ADGRL3: variants seen among roughly 807,000 people sequenced by gnomAD.
ADGRL3 encodes adhesion G protein-coupled receptor L3.
ADGRL3 carries 62 observed loss-of-function variants against 153.5 expected under a neutral mutation model. The ratio of observed to expected loss-of-function variants is 0.40; its 90% CI spans 0.33 to 0.50. ADGRL3 has a LOEUF of 0.50. Among genes scored for constraint, ADGRL3 ranks in the 20% least tolerant of loss-of-function variants. ADGRL3 has a pLI of 0.47. For synonymous variants in ADGRL3, 710 were observed against 672.5 expected (o/e 1.06, Z -0.86); for missense variants, 1,641 against 1,859.4 (o/e 0.88, Z 2.16).
chr4:61,811,831 A>G (rs2097627389), intron 8 of ADGRL3, among the ~76,000 whole-genome samples: 1 of 152,156 alleles, frequency 6.6e-6, no homozygotes, highest in African/African-American at 2.4e-5. Context: ...GTTGTATGAA[A>G]GGAGATTAGG....
At chr4:61,437,531 C>A (rs1468770961) in intron 2 of ADGRL3, among the ~76,000 whole-genome samples, 1 of 152,112 alleles carries the variant, frequency 6.6e-6, no homozygotes, top group Non-Finnish European at 1.5e-5. Context: ...TTCTTGCTGC[C>A]ACTGCTATTT....
chr4:61,328,973 C>T (rs2095518436), intron 1 of ADGRL3, among the ~76,000 whole-genome samples: 1 of 152,108 alleles, frequency 6.6e-6, no homozygotes, highest in Non-Finnish European at 1.5e-5. Context: ...ATTACTATCT[C>T]TGTTAGGACT....
chr4:61,716,556 A>G (rs1410991946), intron 6 of ADGRL3, among the ~76,000 whole-genome samples: 3 of 152,168 alleles, frequency 2.0e-5, no homozygotes, highest in Non-Finnish European at 4.4e-5. Context: ...GTTTTAATCT[A>G]TCGATGTCAT....
chr4:62,068,540 C>T (rs531240306), intron 26 of ADGRL3, among the ~76,000 whole-genome samples: 10 of 152,228 alleles, frequency 6.6e-5, no homozygotes, highest in African/African-American at 2.4e-4. Flanking sequence ...CTTTATTTTA[C>T]TATGGCTGTT....
chr4:61,657,372 A>G (rs1177428534), intron 5 of ADGRL3, among the ~76,000 whole-genome samples: 4 of 152,140 alleles, frequency 2.6e-5, no homozygotes, highest in South Asian at 2.1e-4. Context: ...ATAGATACAT[A>G]GATATACATA....
intron 4 of ADGRL3, among the ~76,000 whole-genome samples, chr4:61,558,367 G>A (rs9968259): frequency 0.033 from 5,039 of 151,286 alleles, 257 homozygotes; most frequent in African/African-American, 0.11. Flanking sequence ...GCTCATTTTA[G>A]TGGCCAAATA....
At chr4:61,802,008 A>G (rs1271915444) in intron 8 of ADGRL3, among the ~76,000 whole-genome samples, 1 of 147,718 alleles carries the variant, frequency 6.8e-6, no homozygotes, top group Non-Finnish European at 1.5e-5. Context: ...TTTATCAACT[A>G]ATAAGCACTT....
intron 11 of ADGRL3, among the ~76,000 whole-genome samples, chr4:61,900,360 G>A (rs2098657651): frequency 6.6e-6 from 1 of 152,040 alleles, no homozygotes. Flanking sequence ...AATCTTGATG[G>A]TTTCAACTCA....
intron 11 of ADGRL3, among the ~76,000 whole-genome samples, chr4:61,900,783 A>G (rs182302088): frequency 1.3e-3 from 201 of 152,332 alleles, no homozygotes; most frequent in Non-Finnish European, 2.2e-3. Flanking sequence ...ATCTATATAC[A>G]TATCTACATA....
intron 2 of ADGRL3, among the ~76,000 whole-genome samples, chr4:61,423,014 G>A (rs1330543104): frequency 1.3e-5 from 2 of 152,076 alleles, no homozygotes; most frequent in African/African-American, 4.8e-5. Context: ...AAGAGGTGGA[G>A]CTGAGAGACC....
chr4:61,345,387 CTG>C (rs1259426542), intron 1 of ADGRL3, among the ~76,000 whole-genome samples: 27 of 151,910 alleles, frequency 1.8e-4, no homozygotes, highest in Admixed American at 5.2e-4. Flanking sequence ...ATTTTGATAA[CTG>C]TTATGATTAA....
chr4:61,319,360 G>C (rs1363659465), intron 1 of ADGRL3, among the ~76,000 whole-genome samples: 1 of 152,064 alleles, frequency 6.6e-6, no homozygotes, highest in Non-Finnish European at 1.5e-5. Flanking sequence ...TGCCCCATAT[G>C]CCCAAGATAC....
At chr4:61,321,836 G>T (rs770602067) in intron 1 of ADGRL3, among the ~76,000 whole-genome samples, 7 of 152,114 alleles carry the variant, frequency 4.6e-5, no homozygotes, top group Non-Finnish European at 8.8e-5. Context: ...TTTAATCACA[G>T]ATTTCAATTG....
At chr4:62,003,687 A>G (rs947657386) in intron 21 of ADGRL3, among the ~76,000 whole-genome samples, 2 of 152,142 alleles carry the variant, frequency 1.3e-5, no homozygotes, top group African/African-American at 4.8e-5. Flanking sequence ...TTTAATGGTG[A>G]AGCTTTGCTC....
chr4:61,831,501 A>T (rs2097869162), intron 9 of ADGRL3, among the ~76,000 whole-genome samples: 1 of 151,190 alleles, frequency 6.6e-6, no homozygotes, highest in African/African-American at 2.4e-5. Context: ...GGTATTCCTA[A>T]CATTCTAAAT....
intron 21 of ADGRL3, among the ~76,000 whole-genome samples, chr4:62,026,709 A>T (rs1303713341): frequency 1.3e-5 from 2 of 152,052 alleles, no homozygotes; most frequent in Admixed American, 1.3e-4. Flanking sequence ...ATGGAGGATG[A>T]ACAAATCTAG....
chr4:61,228,571 G>A (rs1577915632), intron 1 of ADGRL3, among the ~76,000 whole-genome samples: 1 of 152,240 alleles, frequency 6.6e-6, no homozygotes, highest in East Asian at 1.9e-4. Context: ...AGACTGAGAG[G>A]ACCTTTAAGA....
At chr4:61,641,960 C>CT in intron 5 of ADGRL3, among the ~76,000 whole-genome samples, 1 of 150,360 alleles carries the variant, frequency 6.7e-6, no homozygotes, top group Admixed American at 6.6e-5. Context: ...TGTTTCCTGA[C>CT]TTTTTAATGA....
chr4:61,399,078 A>C, intron 2 of ADGRL3, among the ~76,000 whole-genome samples: 1 of 151,780 alleles, frequency 6.6e-6, no homozygotes, highest in East Asian at 1.9e-4. Flanking sequence ...GGACAGGACA[A>C]TCCTTTACTT....
Sources: gnomAD v4.1 joint callset for allele counts (sites outside exome capture counted in the v4.1 genomes callset) on GRCh38, gnomAD v4.1.1 for gene constraint, MANE v1.5 for transcripts, NCBI Gene and HGNC (gene_info 2026-07-23, HGNC 2026-07-21) for gene names.